The following DNAAF5 variants were observed in gnomAD, a reference collection of about 807,000 sequenced individuals.
The protein encoded by DNAAF5 is HEAT repeat containing 2.
A neutral mutation model predicts 75.8 loss-of-function variants in DNAAF5; 64 were observed. That is an observed-to-expected ratio of 0.84 (90% CI 0.69 to 1.04). The LOEUF (loss-of-function observed/expected upper bound fraction) is 1.04, where lower values mean the gene tolerates loss of function less well. Among genes scored for constraint, DNAAF5 ranks in the 50% least tolerant of loss-of-function variants. The pLI is 0.00. For missense variants in DNAAF5, 1,269 were observed against 1,178.5 expected (o/e 1.08, Z -1.12); for synonymous variants, 657 against 557.2 (o/e 1.18, Z -2.52).
chr7:757,218 C>T (rs1782513529), intron 6 of DNAAF5, among the ~76,000 whole-genome samples: 1 of 152,250 alleles, frequency 6.6e-6, no homozygotes, highest in Admixed American at 6.5e-5. Context: ...TCCGGGGCCT[C>T]GTCCTGGGCT....
In DNAAF5 at chr7:770,589, C is replaced by CA; in HGVS notation, c.1903dup (p.Arg635LysfsTer113). On this transcript the variant is annotated frameshift_variant, in exon 9 of 13. Coordinates refer to ENST00000297440, the MANE Select transcript of DNAAF5 (RefSeq NM_017802.4). LOFTEE classifies it high-confidence loss of function. ...TCTCCATCCTGTCCACCGTGCTGCT[C>CA]AGAGCCACGGACACCATCAACTCCC... The CA allele has an allele frequency of 6.2e-7, 1 of 1,613,768 alleles. No individual in the cohort carries two copies.
chr7:754,948 G>A lies in DNAAF5; in HGVS notation c.1257+127G>A. 4.4e-6 allele frequency: 3 copies of A among 678,950 alleles called. No individual in the cohort carries two copies. The highest frequency in any genetic ancestry group is 7.3e-6 in the Non-Finnish European group (3 of 409,172). The allele number at this position is 678,950 out of a possible 1,614,324, so 42.1% of individuals were successfully genotyped here. A position where few individuals can be genotyped will look rare whatever the true frequency, so the allele number is the denominator to read the frequency against. On this transcript the variant is annotated intron_variant, in intron 5 of 12. Transcript: ENST00000297440. This position sits in a 1 kb window ranked among gnomAD's most constrained non-coding sequence, Gnocchi z 4.8. ...GCGTTCCCCTCACCCCCGGGCCGCA[G>A]GCCCTCCCCACACCCAGCCCCTGGG...
At chr7:770,716 A>G (rs1583513483) in intron 9 of DNAAF5, 98 bp downstream of exon 9, 2 of 1,170,630 alleles carry the variant, frequency 1.7e-6, no homozygotes, top group East Asian at 4.9e-5. Flanking sequence ...GGGGGTTCCC[A>G]CCTCCTTCCC....
At chr7:774,584 C>G (rs964072150) in intron 10 of DNAAF5, among the ~76,000 whole-genome samples, 8 of 152,000 alleles carry the variant, frequency 5.3e-5, no homozygotes, top group Admixed American at 5.2e-4. Context: ...ACACCTCCGG[C>G]TGGTACCAGG....
At chr7:776,351 T>C (rs189822399) in intron 11 of DNAAF5, among the ~76,000 whole-genome samples, 124 of 149,108 alleles carry the variant, frequency 8.3e-4, no homozygotes, top group African/African-American at 3.0e-3. Context: ...AAAAAGAAAA[T>C]AGAAAATGCT....
rs75334176 is a variant in DNAAF5 at position 756,716 on chromosome 7, G to A, written c.1258-66G>A. The A allele has an allele frequency of 0.017, 25,175 of 1,507,300 alleles. 597 individuals carry two copies. The highest frequency in any genetic ancestry group is 0.12 in the East Asian group (5,365 of 44,142). The allele number at this position is 1,507,300 out of a possible 1,614,324, so 93.4% of individuals were successfully genotyped here. On this transcript the variant is annotated intron_variant, in intron 5 of 12. Coordinates refer to ENST00000297440, the MANE Select transcript of DNAAF5 (RefSeq NM_017802.4). ...GCTGTGTCTGGGAGGCCACGGCGCC[G>A]AGAGCAGGAGCCCGGCTGAGACCCT...
intron 11 of DNAAF5, among the ~76,000 whole-genome samples, chr7:775,403 A>G (rs1778726229): frequency 6.6e-6 from 1 of 151,962 alleles, no homozygotes; most frequent in African/African-American, 2.4e-5. Flanking sequence ...AAAATTAGCC[A>G]GGGCTGGTGG....
rs1020266992 is a variant in DNAAF5, at chr7:785,568, C to T, written c.2483C>T (p.Thr828Met). 38 of 1,613,272 alleles carry T rather than the reference C, an allele frequency of 2.4e-5. No individual in the cohort carries two copies. Among genetic ancestry groups the T allele is most frequent in the Non-Finnish European group, 2.9e-5 (34 of 1,179,988 alleles). Residue 828 changes from threonine (T) to methionine (M), a missense_variant, in exon 13 of 13, where the codon ACG becomes ATG. Coordinates refer to ENST00000297440, the MANE Select transcript of DNAAF5 (RefSeq NM_017802.4). ...TTCCCAGATCTCCTGGTGAGGGAGA[C>T]GGAGGCCGTCATCCACAAGCACCGC... Reference protein sequence around the residue: ...GLFPDLLVRETEAVIHKHRSA... With the variant: ...GLFPDLLVREMEAVIHKHRSA...
chr7:781,724 T>C (rs1346704394), intron 12 of DNAAF5, among the ~76,000 whole-genome samples: 3 of 152,232 alleles, frequency 2.0e-5, no homozygotes, highest in African/African-American at 7.2e-5. Flanking sequence ...TGTTTCTATG[T>C]GCATTTCTCT....
intron 2 of DNAAF5, 75 bp downstream of exon 2, chr7:729,922 T>C (rs961188248): frequency 4.2e-6 from 6 of 1,419,858 alleles, no homozygotes; most frequent in African/African-American, 1.4e-5. Context: ...TTTAACTAAC[T>C]CACTTGTTCT....
chr7:781,196 C>A (rs1366591677), intron 12 of DNAAF5, among the ~76,000 whole-genome samples: 1 of 152,206 alleles, frequency 6.6e-6, no homozygotes, highest in Non-Finnish European at 1.5e-5. Context: ...TCTTCCGAGC[C>A]TCTGGGAGCC....
intron 4 of DNAAF5, among the ~76,000 whole-genome samples, chr7:743,145 C>T (rs1268564856): frequency 6.6e-6 from 1 of 152,180 alleles, no homozygotes; most frequent in Non-Finnish European, 1.5e-5. Context: ...GGGAGGATCA[C>T]CTGAGCCCAG....
At chr7:774,438 C>T (rs1045569316) in intron 10 of DNAAF5, among the ~76,000 whole-genome samples, 3 of 152,302 alleles carry the variant, frequency 2.0e-5, no homozygotes, top group South Asian at 4.1e-4. Context: ...CCAGCCCGGT[C>T]GTGCTGCGGG....
At position 741,394 on chromosome 7, in the gene DNAAF5, A is replaced by G. The variant is rs1044836383; in HGVS notation, c.953A>G (p.Lys318Arg). 3 of 1,580,788 alleles carry G rather than the reference A, an allele frequency of 1.9e-6. No homozygotes were observed. In the African/African-American group the frequency reaches 4.0e-5, roughly 21 times the overall value. The change falls in exon 4 of 13, where the codon AAG becomes AGG. Residue 318 changes from lysine (K) to arginine (R), a missense_variant. Lys to Arg is a conservative substitution (Grantham distance 26). Transcript: ENST00000297440. ...LWEDVGLQWQ[K>R]ENEEDLKDKL... ...GAGGACGTTGGCCTGCAGTGGCAGA[A>G]GGAGAATGAGGAGGACCTGAAGGAC...
At chr7:742,667 A>C (rs1321302897) in intron 4 of DNAAF5, among the ~76,000 whole-genome samples, 2 of 145,520 alleles carry the variant, frequency 1.4e-5, no homozygotes. Flanking sequence ...TCACATGCCC[A>C]GCTCAAATCA....
intron 2 of DNAAF5, 27 bp downstream of exon 2, chr7:729,874 T>C: frequency 6.2e-7 from 1 of 1,610,312 alleles, no homozygotes; most frequent in Non-Finnish European, 8.5e-7. Flanking sequence ...CTGGACAGTC[T>C]GTTCCTCTCT....
chr7:779,012 C>T (rs1044780350), intron 11 of DNAAF5, among the ~76,000 whole-genome samples: 1 of 152,282 alleles, frequency 6.6e-6, no homozygotes, highest in Non-Finnish European at 1.5e-5. Flanking sequence ...CCTCAGGGCC[C>T]AGAACCCTCA....
Position 776,335 on chromosome 7 carries a change from C to CA in DNAAF5, c.2239+1183dup, listed in dbSNP as rs574028405. On this transcript the variant is annotated intron_variant, in intron 11 of 12. Coordinates refer to ENST00000297440, the MANE Select transcript of DNAAF5 (RefSeq NM_017802.4). ...TGGGTGACAGAGCCAGACTCCATCT[C>CA]AAAAAAAAAAGAAAATAGAAAATGC... Among the ~76,000 whole-genome samples, 494 of 146,356 alleles carry CA rather than the reference C, an allele frequency of 3.4e-3. 5 individuals are homozygous for CA. The highest frequency in any genetic ancestry group is 8.9e-3 in the South Asian group (41 of 4,618).
intron 4 of DNAAF5, chr7:751,026 A>T (rs1274655658): frequency 6.6e-6 from 1 of 152,512 alleles, no homozygotes; most frequent in African/African-American, 2.4e-5. Context: ...CACCTGTAGT[A>T]CCAGCTACTC....
Sources: gnomAD v4.1 joint callset for allele counts (sites outside exome capture counted in the v4.1 genomes callset) on GRCh38, gnomAD v4.1.1 for gene constraint, Gnocchi (gnomAD v3.1) non-coding constraint, MANE v1.5 for transcripts, NCBI Gene and HGNC (gene_info 2026-07-23, HGNC 2026-07-21) for gene names.